The following MPP7 variants were observed in gnomAD, a reference collection of about 807,000 sequenced individuals.
MPP7 encodes MAGUK p55 subfamily member 7.
In MPP7, 60 loss-of-function variants were observed where a neutral mutation model predicts 76.5. The observed-to-expected ratio is 0.78, with a 90% CI of 0.64 to 0.97. MPP7 has a LOEUF of 0.97. Ranked by LOEUF, MPP7 falls within the 50% of genes least tolerant of loss-of-function variation. The pLI is 0.00. For missense variants in MPP7, 641 were observed against 694.0 expected (o/e 0.92, Z 0.86); for synonymous variants, 237 against 244.5 (o/e 0.97, Z 0.29).
At chr10:28,188,911 A>G (rs1350072995) in intron 3 of MPP7, among the ~76,000 whole-genome samples, 1 of 152,150 alleles carries the variant, frequency 6.6e-6, no homozygotes, top group Non-Finnish European at 1.5e-5. Flanking sequence ...TTTTCAGACA[A>G]ACAAAAACTC....
intron 2 of MPP7, among the ~76,000 whole-genome samples, chr10:28,206,190 CA>C (rs1837944296): frequency 6.6e-6 from 1 of 152,184 alleles, no homozygotes; most frequent in Non-Finnish European, 1.5e-5. Flanking sequence ...ACTGAGTTCT[CA>C]TATTCAGGGT....
intron 5 of MPP7, among the ~76,000 whole-genome samples, chr10:28,132,610 A>T (rs572981803): frequency 0.015 from 2,270 of 151,506 alleles, 64 homozygotes; most frequent in African/African-American, 0.049. Context: ...TTTTATTTTT[A>T]TTTTTTTAAG....
At chr10:28,212,306 G>T (rs747837597) in intron 2 of MPP7, among the ~76,000 whole-genome samples, 1 of 152,166 alleles carries the variant, frequency 6.6e-6, no homozygotes, top group Non-Finnish European at 1.5e-5. Context: ...ACAAGTTCAG[G>T]TGGATTTTCA....
At chr10:28,235,802 A>G (rs1839054661) in intron 2 of MPP7, among the ~76,000 whole-genome samples, 2 of 152,230 alleles carry the variant, frequency 1.3e-5, no homozygotes, top group Non-Finnish European at 2.9e-5. Context: ...ACTATTATAG[A>G]AGAAATGTTA....
intron 12 of MPP7, among the ~76,000 whole-genome samples, chr10:28,070,519 AG>A (rs1326624647): frequency 6.6e-6 from 1 of 152,244 alleles, no homozygotes; most frequent in Non-Finnish European, 1.5e-5. Context: ...AATGTTTTTA[AG>A]TGTTAATAAA....
chr10:28,174,370 C>A (rs1836789355), intron 3 of MPP7, among the ~76,000 whole-genome samples: 1 of 152,106 alleles, frequency 6.6e-6, no homozygotes, highest in South Asian at 2.1e-4. Flanking sequence ...AGAGTGAGTT[C>A]TCACTCTTAG....
intron 13 of MPP7, among the ~76,000 whole-genome samples, chr10:28,063,433 G>A (rs1051020891): frequency 6.6e-5 from 10 of 150,806 alleles, no homozygotes; most frequent in Non-Finnish European, 1.5e-4. Context: ...CTGCACTTCA[G>A]CCTGTGTGAC....
At chr10:28,200,354 AC>A (rs1837729992) in intron 3 of MPP7, among the ~76,000 whole-genome samples, 2 of 152,246 alleles carry the variant, frequency 1.3e-5, no homozygotes, top group South Asian at 4.1e-4. Flanking sequence ...TTTTGAAAAT[AC>A]ATTTTACAGC....
intron 13 of MPP7, among the ~76,000 whole-genome samples, chr10:28,067,369 T>C (rs1439559992): frequency 1.3e-5 from 2 of 152,054 alleles, no homozygotes; most frequent in Non-Finnish European, 2.9e-5. Context: ...AATATATTCT[T>C]CTTTAATTAA....
At chr10:28,069,221 T>C (rs1037858570) in intron 13 of MPP7, among the ~76,000 whole-genome samples, 5 of 152,194 alleles carry the variant, frequency 3.3e-5, no homozygotes, top group African/African-American at 9.6e-5. Flanking sequence ...ATGAGTGTAA[T>C]TGAATTGTTT....
At chr10:28,222,668 T>G (rs995609324) in intron 2 of MPP7, among the ~76,000 whole-genome samples, 69 of 151,884 alleles carry the variant, frequency 4.5e-4, no homozygotes, top group African/African-American at 1.5e-3. Context: ...CTGGCTAACA[T>G]GGTGAAACCC....
At chr10:28,281,021 G>C (rs879734473) in intron 1 of MPP7, among the ~76,000 whole-genome samples, 1 of 152,068 alleles carries the variant, frequency 6.6e-6, no homozygotes, top group Non-Finnish European at 1.5e-5. Flanking sequence ...GGCAAACTGA[G>C]TAATTTAGAC....
At chr10:28,292,320 A>C (rs978501854) in intron 1 of MPP7, among the ~76,000 whole-genome samples, 1 of 152,206 alleles carries the variant, frequency 6.6e-6, no homozygotes, top group Non-Finnish European at 1.5e-5. Context: ...AGTTGTCGAT[A>C]TATGTAGGAT....
intron 2 of MPP7, among the ~76,000 whole-genome samples, chr10:28,229,292 C>A (rs1838798866): frequency 6.6e-6 from 1 of 152,176 alleles, no homozygotes; most frequent in Non-Finnish European, 1.5e-5. Context: ...TTTTAAATAG[C>A]CACTTTGAAT....
intron 1 of MPP7, among the ~76,000 whole-genome samples, chr10:28,282,306 C>A (rs1305012198): frequency 6.6e-6 from 1 of 152,048 alleles, no homozygotes; most frequent in East Asian, 1.9e-4. Context: ...GGAACCTGAG[C>A]CTCATCTACA....
At chr10:28,275,298 G>T (rs1253173623) in intron 1 of MPP7, among the ~76,000 whole-genome samples, 1 of 152,024 alleles carries the variant, frequency 6.6e-6, no homozygotes, top group Non-Finnish European at 1.5e-5. Context: ...TGAACGGCAT[G>T]ACCATTCACC....
intron 12 of MPP7, among the ~76,000 whole-genome samples, chr10:28,088,234 T>C (rs530790122): frequency 2.4e-4 from 37 of 152,168 alleles, no homozygotes; most frequent in African/African-American, 8.4e-4. Flanking sequence ...ATAAGTATCA[T>C]CACGAGTTTA....
At chr10:28,117,349 T>C (rs1356169570) in intron 11 of MPP7, among the ~76,000 whole-genome samples, 1 of 152,120 alleles carries the variant, frequency 6.6e-6, no homozygotes, top group African/African-American at 2.4e-5. Context: ...TTTATAAACA[T>C]TGACATGATA....
intron 2 of MPP7, among the ~76,000 whole-genome samples, chr10:28,321,043 A>G (rs1320777430): frequency 6.6e-6 from 1 of 152,086 alleles, no homozygotes; most frequent in East Asian, 1.9e-4. Context: ...CACCGGGGAG[A>G]TAGGCAGTTC....
Sources: gnomAD v4.1 joint callset for allele counts (sites outside exome capture counted in the v4.1 genomes callset) on GRCh38, gnomAD v4.1.1 for gene constraint, MANE v1.5 for transcripts, NCBI Gene and HGNC (gene_info 2026-07-23, HGNC 2026-07-21) for gene names.